The following LEUTX variants were observed in gnomAD, a reference collection of about 807,000 sequenced individuals.
LEUTX encodes paired-like homeodomain transcription factor LEUTX.
A neutral mutation model predicts 4.5 loss-of-function variants in LEUTX; 5 were observed. The observed-to-expected ratio is 1.11, with a 90% CI of 0.58 to 2.34. The LOEUF is 2.34. Ranked by LOEUF, LEUTX falls within the 30% of genes most tolerant of loss-of-function variation. LEUTX has a pLI of 0.01. For synonymous variants in LEUTX, 89 were observed against 85.1 expected, an observed-to-expected ratio of 1.05 and a Z score of -0.25; for missense variants, 233 against 239.4, an observed-to-expected ratio of 0.97 and a Z score of 0.18.
chr19:39,782,721 A>G (rs73930644), intron 1 of LEUTX, among the ~76,000 whole-genome samples: 1,534 of 152,248 alleles, frequency 0.01, 28 homozygotes, highest in African/African-American at 0.035. Context: ...GGAAGTTGGC[A>G]CTGATTTTCT....
Position 39,786,008 on chromosome 19 carries a change from C to T in LEUTX, c.470C>T (p.Ser157Phe). Residue 157 changes from serine to phenylalanine, a missense_variant, in exon 3 of 3, where the codon TCC becomes TTC. Physicochemically the swap from Ser to Phe is radical, Grantham distance 155. Transcript: ENST00000638280. ...GGGGCTTCAAATCCTCCTTGGGCCT[C>T]CACTCTCTTTGAAATAGATGAATTT... ...CLGASNPPWA[S>F]TLFEIDEFVK... 6.4e-7 allele frequency: 1 copy of T among 1,551,708 alleles called. No individual in the cohort carries two copies. Among genetic ancestry groups the T allele is most frequent in the Non-Finnish European group, 8.7e-7 (1 of 1,147,010 alleles).
chr19:39,782,720 C>T (rs1367108415), intron 1 of LEUTX, among the ~76,000 whole-genome samples: 3 of 152,042 alleles, frequency 2.0e-5, no homozygotes, highest in African/African-American at 7.2e-5. Context: ...TGGAAGTTGG[C>T]ACTGATTTTC....
At position 39,786,176 on chromosome 19, in the gene LEUTX, C is replaced by T; in HGVS notation, c.*41C>T. On this transcript the variant is annotated 3_prime_UTR_variant, in exon 3 of 3. Coordinates refer to ENST00000638280, the MANE Select transcript of LEUTX (RefSeq NM_001382345.1). ...TTCTAGGGGAGGTCTGGATCTGACC[C>T]ACTGAGACATATTTCCACACATCTT... 7.2e-7 allele frequency: 1 copy of T among 1,388,204 alleles called. No individual in the cohort carries two copies. The highest frequency in any genetic ancestry group is 1.5e-5 in the African/African-American group (1 of 68,636). The allele number at this position is 1,388,204 out of a possible 1,614,324, so 86.0% of individuals were successfully genotyped here.
upstream of LEUTX, among the ~76,000 whole-genome samples, chr19:39,777,945 G>T (rs537853724): frequency 6.6e-6 from 1 of 152,146 alleles, no homozygotes; most frequent in African/African-American, 2.4e-5. Context: ...TGGAGGTTGC[G>T]GGAGAGGACA....
intron 1 of LEUTX, among the ~76,000 whole-genome samples, chr19:39,781,005 T>G (rs757515018): frequency 1.8e-4 from 27 of 152,108 alleles, no homozygotes; most frequent in Non-Finnish European, 3.5e-4. Flanking sequence ...TGCCCAGCCT[T>G]ATTTCTTTTC....
intron 1 of LEUTX, among the ~76,000 whole-genome samples, chr19:39,782,564 A>C (rs1967902234): frequency 6.6e-6 from 1 of 152,148 alleles, no homozygotes; most frequent in Non-Finnish European, 1.5e-5. Context: ...GCAGCATGAG[A>C]AACAGAAAGA....
At chr19:39,783,575 T>C (rs1967919688) in intron 1 of LEUTX, among the ~76,000 whole-genome samples, 2 of 152,010 alleles carry the variant, frequency 1.3e-5, no homozygotes, top group Admixed American at 1.3e-4. Context: ...GAAGGAATCT[T>C]TACACTGTTT....
chr19:39,783,989 G>A (rs368367456), intron 1 of LEUTX, among the ~76,000 whole-genome samples: 1 of 152,072 alleles, frequency 6.6e-6, no homozygotes, highest in Admixed American at 6.6e-5. Flanking sequence ...GTTTAATAAA[G>A]TCCTAGCTAT....
At chr19:39,780,012 T>G (rs541369826) in intron 1 of LEUTX, among the ~76,000 whole-genome samples, 17 of 152,196 alleles carry the variant, frequency 1.1e-4, no homozygotes, top group African/African-American at 3.6e-4. Context: ...AGACTCTGTC[T>G]CAAAAACAAA....
upstream of LEUTX, chr19:39,776,789 G>A: frequency 4.9e-6 from 2 of 407,856 alleles, no homozygotes; most frequent in Admixed American, 2.7e-5. Flanking sequence ...GCTGAGGCGG[G>A]AGGATCCCTT....
intron 1 of LEUTX, among the ~76,000 whole-genome samples, chr19:39,780,304 G>A (rs563422685): frequency 3.3e-5 from 5 of 152,272 alleles, no homozygotes; most frequent in Admixed American, 2.6e-4. Context: ...TCAATGTGCA[G>A]TGTTGCTTTT....
chr19:39,780,808 T>C (rs1967873855), intron 1 of LEUTX, among the ~76,000 whole-genome samples: 2 of 152,098 alleles, frequency 1.3e-5, no homozygotes, highest in African/African-American at 4.8e-5. Context: ...CAATATCTTT[T>C]ATCCGAGCAT....
chr19:39,783,339 T>TTATA (rs1011225574), intron 1 of LEUTX, among the ~76,000 whole-genome samples: 1 of 123,848 alleles, frequency 8.1e-6, no homozygotes, highest in Non-Finnish European at 1.7e-5. Flanking sequence ...ACATAAATTA[T>TTATA]TATATATATA....
At chr19:39,785,601 C>T in intron 2 of LEUTX, 97 bp from the exon 3 acceptor site, 1 of 869,922 alleles carries the variant, frequency 1.1e-6, no homozygotes, top group East Asian at 2.7e-5. Context: ...AAATGTGAGA[C>T]TCTCTCTCAC....
chr19:39,776,509 C>G (rs1187172891), upstream of LEUTX: 4 of 435,130 alleles, frequency 9.2e-6, no homozygotes, highest in East Asian at 2.1e-4. Context: ...ATGAGAGAAG[C>G]CTTTGATGAG....
rs1174931156 is a variant in LEUTX, at chr19:39,784,527, A to G, written c.8A>G (p.Glu3Gly). Residue 3 changes from glutamate (E) to glycine (G), a missense_variant and splice_region_variant, in exon 2 of 3, where the codon GAA (glutamate) becomes GGA (glycine). Coordinates refer to ENST00000638280, the MANE Select transcript of LEUTX (RefSeq NM_001382345.1). ...AGCCTTTTATCTGTTCCCTCTGCAGAAGGGCCAAGGCGTTATCGTCGGCCA... is the reference window on the plus strand; with the variant it reads ...AGCCTTTTATCTGTTCCCTCTGCAGGAGGGCCAAGGCGTTATCGTCGGCCA... MF[E>G]GPRRYRRPRT... 6.2e-6 allele frequency: 6 copies of G among 967,530 alleles called. No homozygotes were observed. In the East Asian group the frequency reaches 1.6e-4, roughly 25 times the overall value. 59.9% of individuals were successfully genotyped at this position (967,530 alleles called of 1,614,324 possible).
chr19:39,779,275 A>G (rs1447117725), intron 1 of LEUTX, among the ~76,000 whole-genome samples: 1 of 152,074 alleles, frequency 6.6e-6, no homozygotes, highest in East Asian at 1.9e-4. Flanking sequence ...TTTTGTAGAG[A>G]CAGGATCTCA....
chr19:39,786,040 A>G lies in LEUTX; in HGVS notation c.502A>G (p.Ile168Val). ...TLFEIDEFVK[I>V]YDLPGEDDTS... ...CTTTGAAATAGATGAATTTGTAAAG[A>G]TCTATGACTTGCCAGGGGAAGATGA... Residue 168 changes from isoleucine (I) to valine (V), a missense_variant, in exon 3 of 3, where the codon ATC becomes GTC. By Grantham distance (29) the Ile-to-Val change is conservative (BLOSUM62 3). Coordinates refer to ENST00000638280, the MANE Select transcript of LEUTX (RefSeq NM_001382345.1). 6.4e-7 allele frequency: 1 copy of G among 1,551,678 alleles called. No homozygotes were observed.
At chr19:39,781,534 A>G (rs1324894954) in intron 1 of LEUTX, among the ~76,000 whole-genome samples, 2 of 152,158 alleles carry the variant, frequency 1.3e-5, no homozygotes, top group Non-Finnish European at 2.9e-5. Flanking sequence ...GATCCCTCTG[A>G]ATGGCTTAGT....
Sources: gnomAD v4.1 joint callset for allele counts (sites outside exome capture counted in the v4.1 genomes callset) on GRCh38, gnomAD v4.1.1 for gene constraint, MANE v1.5 for transcripts, NCBI Gene and HGNC (gene_info 2026-07-23, HGNC 2026-07-21) for gene names.